The following CCSER1 variants were observed in gnomAD, a reference collection of about 807,000 sequenced individuals.
CCSER1 encodes serine-rich coiled-coil domain-containing protein 1.
In CCSER1, 41 loss-of-function variants were observed where a neutral mutation model predicts 82.0. The observed-to-expected ratio is 0.50, with a 90% CI of 0.39 to 0.65. The LOEUF is 0.65. CCSER1 is among the 30% of genes least tolerant of loss of function. The probability of loss-of-function intolerance (pLI) is 0.00; values close to 1 mark genes in which losing one functional copy is unlikely to be tolerated. For missense variants in CCSER1, 1,119 were observed against 1,064.2 expected (o/e 1.05, Z -0.72); for synonymous variants, 414 against 383.9 (o/e 1.08, Z -0.92).
intron 4 of CCSER1, among the ~76,000 whole-genome samples, chr4:90,452,127 A>C (rs1699785538): frequency 1.3e-5 from 2 of 152,262 alleles, no homozygotes; most frequent in South Asian, 4.2e-4. Context: ...TGACTATTGC[A>C]TACCCTGCCT....
intron 10 of CCSER1, among the ~76,000 whole-genome samples, chr4:91,156,513 AAGAATTAAATTATT>A (rs1250158100): frequency 6.6e-6 from 1 of 151,548 alleles, no homozygotes; most frequent in Non-Finnish European, 1.5e-5. Flanking sequence ...GGGTCATCAA[AAGAATTAAATTATT>A]AGAATTAAAT....
At chr4:90,905,434 T>G (rs1403346612) in intron 8 of CCSER1, among the ~76,000 whole-genome samples, 2 of 151,902 alleles carry the variant, frequency 1.3e-5, no homozygotes, top group Admixed American at 1.3e-4. Context: ...CCACGCCTCT[T>G]GAACTTTATC....
chr4:91,522,157 T>G (rs1333814746), intron 10 of CCSER1, among the ~76,000 whole-genome samples: 1 of 152,244 alleles, frequency 6.6e-6, no homozygotes, highest in Admixed American at 6.5e-5. Context: ...ATTTCTTGTT[T>G]TTGACATGTT....
Position 90,827,384 on chromosome 4 carries a change from A to G in CCSER1, c.2094+11539A>G, listed in dbSNP as rs139922841. On this transcript the variant is annotated intron_variant, in intron 8 of 10. Transcript: ENST00000509176. ...GGTCTGATCAGGTTGGGAACTTCAG[A>G]CCACAGACATCCTGTTCTTACAAAT... Among the ~76,000 whole-genome samples, 8 of 152,300 alleles carry G rather than the reference A, an allele frequency of 5.3e-5. No homozygotes were observed. The East Asian group carries it at 1.5e-3, about 29-fold the overall frequency.
intron 9 of CCSER1, among the ~76,000 whole-genome samples, chr4:91,012,551 C>G (rs571245850): frequency 6.6e-6 from 1 of 151,546 alleles, no homozygotes; most frequent in African/African-American, 2.4e-5. Flanking sequence ...GGCTGCTTGA[C>G]CCCATGGATA....
At chr4:90,713,958 G>A (rs1741137025) in intron 6 of CCSER1, among the ~76,000 whole-genome samples, 3 of 151,862 alleles carry the variant, frequency 2.0e-5, no homozygotes, top group South Asian at 4.1e-4. Flanking sequence ...GAATTGTGAA[G>A]TTCTTGTGTT....
intron 1 of CCSER1, among the ~76,000 whole-genome samples, chr4:90,269,902 C>T (rs1373527196): frequency 1.3e-5 from 2 of 151,912 alleles, no homozygotes; most frequent in African/African-American, 2.4e-5. Flanking sequence ...GAACTATATG[C>T]TTATAAATTG....
intron 7 of CCSER1, among the ~76,000 whole-genome samples, chr4:90,728,866 T>C (rs886810148): frequency 6.6e-6 from 1 of 152,204 alleles, no homozygotes; most frequent in Admixed American, 6.5e-5. Flanking sequence ...TCTTCAACTC[T>C]GGGGATGGAT....
chr4:90,700,885 C>G (rs1737954674), intron 6 of CCSER1, among the ~76,000 whole-genome samples: 1 of 152,002 alleles, frequency 6.6e-6, no homozygotes, highest in South Asian at 2.1e-4. Flanking sequence ...GGTTATTAGC[C>G]CTTTGTCAGA....
chr4:90,157,574 T>C (rs1009492669), intron 1 of CCSER1, among the ~76,000 whole-genome samples: 28 of 152,332 alleles, frequency 1.8e-4, no homozygotes, highest in African/African-American at 6.7e-4. Context: ...TGTTCGTTTC[T>C]TTTTATTCTT....
At chr4:91,379,444 T>C (rs1444449758) in intron 10 of CCSER1, among the ~76,000 whole-genome samples, 7 of 152,222 alleles carry the variant, frequency 4.6e-5, no homozygotes, top group Non-Finnish European at 7.3e-5. Context: ...GTTATTGGTC[T>C]ATTCAGGGAT....
chr4:90,155,630 T>C (rs1445143833), intron 1 of CCSER1, among the ~76,000 whole-genome samples: 3 of 152,224 alleles, frequency 2.0e-5, no homozygotes, highest in Non-Finnish European at 4.4e-5. Context: ...GTCAAGGAAT[T>C]TATCCATTTC....
intron 9 of CCSER1, among the ~76,000 whole-genome samples, chr4:91,027,718 T>C (rs1415873467): frequency 6.6e-6 from 1 of 152,074 alleles, no homozygotes; most frequent in Non-Finnish European, 1.5e-5. Context: ...GGTTTACTTC[T>C]AATTTTAGTG....
At chr4:91,094,035 G>A (rs1002334760) in intron 10 of CCSER1, among the ~76,000 whole-genome samples, 1 of 152,308 alleles carries the variant, frequency 6.6e-6, no homozygotes, top group East Asian at 1.9e-4. Flanking sequence ...CGTACCTGCT[G>A]TCTGCAGATC....
In CCSER1 at chr4:91,193,975, A is replaced by G. The variant is rs566709543; in HGVS notation, c.2217+107981A>G. Among the ~76,000 whole-genome samples the G allele has an allele frequency of 3.3e-5, 5 of 152,110 alleles. No homozygotes were observed. In the South Asian group the frequency reaches 1.0e-3, roughly 32 times the overall value. ...TTCCTATTCTTATTTATTTATTTATATTTATTGTTTTTGAGACGTAGTCTC... is the reference window on the plus strand; with the variant it reads ...TTCCTATTCTTATTTATTTATTTATGTTTATTGTTTTTGAGACGTAGTCTC... On this transcript the variant is annotated intron_variant, in intron 10 of 10. Coordinates refer to ENST00000509176, the MANE Select transcript of CCSER1 (RefSeq NM_001145065.2).
At chr4:91,114,108 T>C (rs910780105) in intron 10 of CCSER1, among the ~76,000 whole-genome samples, 1 of 152,178 alleles carries the variant, frequency 6.6e-6, no homozygotes, top group African/African-American at 2.4e-5. Context: ...CGTCTCGGCC[T>C]CCCGAAGTGC....
chr4:90,536,981 T>A (rs189654223), intron 5 of CCSER1, among the ~76,000 whole-genome samples: 1 of 152,340 alleles, frequency 6.6e-6, no homozygotes, highest in East Asian at 1.9e-4. Context: ...TTGAAAAGCC[T>A]GCTGCTAATC....
chr4:90,791,951 A>G (rs554018907), intron 7 of CCSER1, among the ~76,000 whole-genome samples: 7 of 152,102 alleles, frequency 4.6e-5, no homozygotes, highest in African/African-American at 1.7e-4. Flanking sequence ...AAAATAAAAC[A>G]GTTTATTGTG....
chr4:90,613,074 G>A (rs968276588), intron 5 of CCSER1, among the ~76,000 whole-genome samples: 2 of 152,114 alleles, frequency 1.3e-5, no homozygotes, highest in African/African-American at 4.8e-5. Flanking sequence ...CACAGGCACT[G>A]GAAGAACCTT....
Sources: gnomAD v4.1 joint callset for allele counts (sites outside exome capture counted in the v4.1 genomes callset) on GRCh38, gnomAD v4.1.1 for gene constraint, MANE v1.5 for transcripts, NCBI Gene and HGNC (gene_info 2026-07-23, HGNC 2026-07-21) for gene names.